MBNL1: variants seen among roughly 807,000 people sequenced by gnomAD.
MBNL1 encodes the protein muscleblind-like protein 1.
A neutral mutation model predicts 42.2 loss-of-function variants in MBNL1; 8 were observed. The ratio of observed to expected loss-of-function variants is 0.19; its 90% CI spans 0.11 to 0.34. MBNL1 has a LOEUF of 0.34. Among genes scored for constraint, MBNL1 ranks in the 10% least tolerant of loss-of-function variants. The pLI is 1.00. For missense variants in MBNL1, 309 were observed against 495.3 expected (o/e 0.62, Z 3.57); for synonymous variants, 169 against 173.9 (o/e 0.97, Z 0.22).
chr3:152,275,360 G>C (rs779981151), intron 1 of MBNL1, among the ~76,000 whole-genome samples: 4 of 152,124 alleles, frequency 2.6e-5, no homozygotes, highest in Non-Finnish European at 5.9e-5. Context: ...AAGATGCCAG[G>C]TTCTGAAGAG....
intron 6 of MBNL1, among the ~76,000 whole-genome samples, chr3:152,453,138 T>C (rs909538159): frequency 5.9e-5 from 9 of 152,106 alleles, no homozygotes. Context: ...AGTCTTAAAA[T>C]GATATACACT....
intron 1 of MBNL1, among the ~76,000 whole-genome samples, chr3:152,293,591 A>G (rs998194300): frequency 6.6e-6 from 1 of 152,202 alleles, no homozygotes; most frequent in African/African-American, 2.4e-5. Context: ...TACAGGGTGA[A>G]GTTAGCCATC....
At chr3:152,303,359 A>G (rs2061530816) in intron 2 of MBNL1, among the ~76,000 whole-genome samples, 1 of 152,284 alleles carries the variant, frequency 6.6e-6, no homozygotes, top group African/African-American at 2.4e-5. Flanking sequence ...TAGTTTCTCT[A>G]ATTTTCCTTT....
intron 6 of MBNL1, among the ~76,000 whole-genome samples, chr3:152,449,001 A>T (rs1716136318): frequency 6.6e-6 from 1 of 152,220 alleles, no homozygotes; most frequent in South Asian, 2.1e-4. Flanking sequence ...TTTGACCTGC[A>T]GCCTCACATT....
chr3:152,259,337 C>A (rs1303277529), intron 2 of MBNL1, among the ~76,000 whole-genome samples: 1 of 152,112 alleles, frequency 6.6e-6, no homozygotes, highest in Non-Finnish European at 1.5e-5. Flanking sequence ...AATCGTTAAA[C>A]TTCTATTAAA....
chr3:152,373,531 C>A (rs1236607081), intron 2 of MBNL1, among the ~76,000 whole-genome samples: 1 of 152,034 alleles, frequency 6.6e-6, no homozygotes, highest in African/African-American at 2.4e-5. Flanking sequence ...CCTCATTGCA[C>A]AGTCCCTCAT....
chr3:152,364,134 C>T (rs1306533980), intron 2 of MBNL1, among the ~76,000 whole-genome samples: 2 of 151,934 alleles, frequency 1.3e-5, no homozygotes, highest in African/African-American at 4.8e-5. Flanking sequence ...TAGTTAGTTC[C>T]TTTTGTCTCT....
At chr3:152,346,631 A>G (rs1196420236) in intron 2 of MBNL1, among the ~76,000 whole-genome samples, 4 of 152,084 alleles carry the variant, frequency 2.6e-5, no homozygotes, top group Non-Finnish European at 5.9e-5. Flanking sequence ...GTGGTCCTAC[A>G]GTTTTGTTTT....
At chr3:152,348,263 A>G (rs76929042) in intron 2 of MBNL1, among the ~76,000 whole-genome samples, 1 of 152,302 alleles carries the variant, frequency 6.6e-6, no homozygotes, top group African/African-American at 2.4e-5. Context: ...TATATCAACA[A>G]AAAATTTTTA....
intron 1 of MBNL1, among the ~76,000 whole-genome samples, chr3:152,274,598 G>A (rs2043799583): frequency 6.6e-6 from 1 of 152,074 alleles, no homozygotes; most frequent in African/African-American, 2.4e-5. Context: ...GTATTTTTCA[G>A]CCTTAGCAAA....
intron 2 of MBNL1, among the ~76,000 whole-genome samples, chr3:152,245,470 T>A (rs1472924342): frequency 1.3e-5 from 2 of 152,220 alleles, no homozygotes; most frequent in Non-Finnish European, 2.9e-5. Flanking sequence ...TTTGAGAAAG[T>A]TTCATACATC....
At chr3:152,375,318 T>G (rs111310038) in intron 2 of MBNL1, among the ~76,000 whole-genome samples, 155 of 152,356 alleles carry the variant, frequency 1.0e-3, no homozygotes, top group African/African-American at 3.6e-3. Context: ...ATTAATTCCA[T>G]TGAAATCATA....
chr3:152,447,893 G>C (rs1713283639), intron 6 of MBNL1, 120 bp downstream of exon 6: 2 of 797,466 alleles, frequency 2.5e-6, no homozygotes, highest in Non-Finnish European at 3.8e-6. Context: ...AGGTAAGGTG[G>C]TCAATGATGG....
At chr3:152,254,870 T>C (rs1346437923) in intron 2 of MBNL1, among the ~76,000 whole-genome samples, 1 of 152,114 alleles carries the variant, frequency 6.6e-6, no homozygotes, top group African/African-American at 2.4e-5. Flanking sequence ...TTATTTCCAC[T>C]TTACAGATTT....
intron 2 of MBNL1, among the ~76,000 whole-genome samples, chr3:152,350,997 A>C (rs2152984733): frequency 6.6e-6 from 1 of 152,270 alleles, no homozygotes; most frequent in African/African-American, 2.4e-5. Flanking sequence ...ATGACTAATT[A>C]GCTACCTAGG....
At chr3:152,297,969 T>C (rs948946124) in intron 1 of MBNL1, among the ~76,000 whole-genome samples, 2 of 152,204 alleles carry the variant, frequency 1.3e-5, no homozygotes, top group African/African-American at 4.8e-5. Flanking sequence ...TTTAAATCTC[T>C]ATCAAAAGTT....
At chr3:152,315,251 A>T (rs560576111) in intron 2 of MBNL1, among the ~76,000 whole-genome samples, 2 of 152,334 alleles carry the variant, frequency 1.3e-5, no homozygotes, top group South Asian at 4.1e-4. Context: ...TTAAGTAGTC[A>T]GTTGGTATTT....
intron 3 of MBNL1, among the ~76,000 whole-genome samples, chr3:152,431,145 G>A (rs1306763771): frequency 6.6e-6 from 1 of 152,154 alleles, no homozygotes; most frequent in East Asian, 1.9e-4. Context: ...TGACAGTATT[G>A]ACTTTTGGGG....
At chr3:152,363,350 T>TTAA (rs950215583) in intron 2 of MBNL1, among the ~76,000 whole-genome samples, 9 of 152,242 alleles carry the variant, frequency 5.9e-5, no homozygotes, top group African/African-American at 2.2e-4. Flanking sequence ...TAACTCAGTG[T>TTAA]TAAATCAGAG....
Sources: gnomAD v4.1 joint callset for allele counts (sites outside exome capture counted in the v4.1 genomes callset) on GRCh38, gnomAD v4.1.1 for gene constraint, MANE v1.5 for transcripts, NCBI Gene and HGNC (gene_info 2026-07-23, HGNC 2026-07-21) for gene names.